ACTN2: variants seen among roughly 807,000 people sequenced by gnomAD.
ACTN2 encodes the protein alpha-actinin-2.
A neutral mutation model predicts 113.8 loss-of-function variants in ACTN2; 39 were observed. The ratio of observed to expected loss-of-function variants is 0.34; its 90% CI spans 0.27 to 0.45. The LOEUF (loss-of-function observed/expected upper bound fraction) is 0.45. ACTN2 is among the 20% of genes least tolerant of loss of function. ACTN2 has a pLI of 1.00. For missense variants in ACTN2, 992 were observed against 1,177.9 expected, an observed-to-expected ratio of 0.84 and a Z score of 2.31; for synonymous variants, 429 against 444.1, an observed-to-expected ratio of 0.97 and a Z score of 0.43.
intron 1 of ACTN2, among the ~76,000 whole-genome samples, chr1:236,689,358 T>TTATATA (rs150964294): frequency 1.7e-4 from 25 of 145,328 alleles, no homozygotes; most frequent in Admixed American, 6.9e-4. Flanking sequence ...TATGTATATT[T>TTATATA]TATATATATA....
intron 7 of ACTN2, among the ~76,000 whole-genome samples, chr1:236,733,243 C>T (rs1306048745): frequency 6.6e-6 from 1 of 152,204 alleles, no homozygotes; most frequent in African/African-American, 2.4e-5. Context: ...AGAAAATAGG[C>T]AACAGTTAGT....
intron 5 of ACTN2, 109 bp from the exon 6 acceptor site, chr1:236,727,569 C>A: frequency 8.8e-7 from 1 of 1,135,770 alleles, no homozygotes; most frequent in Non-Finnish European, 1.3e-6. Flanking sequence ...TGGGGCCCTC[C>A]GTGCATGAAG....
rs397516570 is a variant in ACTN2 at position 236,749,201 on chromosome 1, G to A, written c.1593G>A (p.Trp531Ter). 1 of 1,614,186 alleles carries A rather than the reference G, an allele frequency of 6.2e-7. No individual in the cohort carries two copies. The highest frequency in any genetic ancestry group is 8.5e-7 in the Non-Finnish European group (1 of 1,180,032). Reference sequence around the variant, plus strand: ...AGAGGGCTGCTCCTTTCAACAATTGGATGGAGGGCGCTATGGAGGATCTGC... The same window carrying A: ...AGAGGGCTGCTCCTTTCAACAATTGAATGGAGGGCGCTATGGAGGATCTGC... ...FAKRAAPFNN[W>*]MEGAMEDLQD... The change falls in exon 14 of 21, where the codon TGG (tryptophan) becomes TGA (stop). Residue 531 changes from tryptophan to a stop codon, truncating the protein, a stop_gained. Transcript: ENST00000366578. LOFTEE classifies it high-confidence loss of function.
intron 13 of ACTN2, chr1:236,748,029 A>G (rs781069785): frequency 4.5e-6 from 2 of 448,098 alleles, no homozygotes; most frequent in Admixed American, 3.5e-5. Context: ...TTACGGCATA[A>G]ATCTACTTTG....
At chr1:236,692,191 T>A (rs1342834116) in intron 1 of ACTN2, among the ~76,000 whole-genome samples, 1 of 152,174 alleles carries the variant, frequency 6.6e-6, no homozygotes, top group Non-Finnish European at 1.5e-5. Flanking sequence ...AAGGCATCAA[T>A]TTGAGAGTGA....
At position 236,687,993 on chromosome 1, in the gene ACTN2, C is replaced by T. The variant is rs114557370; in HGVS notation, c.126+1194C>T. Among the ~76,000 whole-genome samples the T allele has an allele frequency of 2.6e-3, 398 of 152,176 alleles. 2 individuals are homozygous for T. Among genetic ancestry groups the T allele is most frequent in the African/African-American group, 9.3e-3 (386 of 41,514 alleles). On this transcript the variant is annotated intron_variant, in intron 1 of 20. Transcript: ENST00000366578. ...TCCCCGAGTTTCTTAAGGCTTTTAC[C>T]ATCCCTACCTTTCTTAGAAAATGGG...
intron 12 of ACTN2, among the ~76,000 whole-genome samples, chr1:236,746,032 G>A (rs1041460591): frequency 4.6e-5 from 7 of 151,900 alleles, no homozygotes; most frequent in African/African-American, 1.7e-4. Flanking sequence ...CAGGCATGGT[G>A]GCGGGCACCT....
chr1:236,718,548 G>A (rs1366352875), intron 2 of ACTN2, among the ~76,000 whole-genome samples: 4 of 152,170 alleles, frequency 2.6e-5, no homozygotes, highest in African/African-American at 4.8e-5. Flanking sequence ...TGGCCATCCT[G>A]ACTTCCTCTA....
chr1:236,707,957 C>T (rs1056075201), intron 1 of ACTN2, among the ~76,000 whole-genome samples: 8 of 151,810 alleles, frequency 5.3e-5, no homozygotes, highest in Non-Finnish European at 8.8e-5. Context: ...GTGATCCACC[C>T]GCCTCGGCCT....
At chr1:236,687,869 C>T (rs1348903005) in intron 1 of ACTN2, among the ~76,000 whole-genome samples, 4 of 152,228 alleles carry the variant, frequency 2.6e-5, no homozygotes, top group African/African-American at 9.6e-5. Flanking sequence ...AATAACCAAG[C>T]ACTATTTTTA....
intron 8 of ACTN2, 92 bp downstream of exon 8, chr1:236,735,812 A>G: frequency 2.7e-6 from 3 of 1,117,054 alleles, no homozygotes; most frequent in Admixed American, 3.8e-5. Flanking sequence ...TGCGCTTCAC[A>G]TCTTACCTTG....
At chr1:236,713,163 A>G (rs1031786017) in intron 1 of ACTN2, among the ~76,000 whole-genome samples, 2 of 152,128 alleles carry the variant, frequency 1.3e-5, no homozygotes, top group African/African-American at 2.4e-5. Flanking sequence ...CTATACAGCC[A>G]TAAAAACAAA....
At chr1:236,745,654 G>A (rs1214019478) in intron 12 of ACTN2, among the ~76,000 whole-genome samples, 4 of 152,070 alleles carry the variant, frequency 2.6e-5, no homozygotes, top group African/African-American at 9.7e-5. Flanking sequence ...GTGAGCCCTG[G>A]GGTGCGGCTG....
rs1658721050 is a variant in ACTN2, at chr1:236,731,856, A to G, written c.697+542A>G. ...TTTATTTAGAGCTGAAAGAACTTCC[A>G]TATATTTTGCACTTCAGTATCACTC... On this transcript the variant is annotated intron_variant, in intron 7 of 20. Transcript: ENST00000366578. Among the ~76,000 whole-genome samples, 3 of 152,340 alleles carry G rather than the reference A, an allele frequency of 2.0e-5. No individual in the cohort carries two copies. The South Asian group carries it at 6.2e-4, about 32-fold the overall frequency.
At position 236,743,051 on chromosome 1, in the gene ACTN2, G is replaced by A. The variant is rs1422637812; in HGVS notation, c.1255+8G>A. On this transcript the variant is annotated splice_region_variant and intron_variant, in intron 11 of 20. Coordinates refer to ENST00000366578, the MANE Select transcript of ACTN2 (RefSeq NM_001103.4). ...ACGAGACTTGGGCTTATGGTAAGTA[G>A]ACAGGAGTCAGATTGGATTTTTGAA... 2 of 1,614,104 alleles carry A rather than the reference G, an allele frequency of 1.2e-6. No individual in the cohort carries two copies. Among genetic ancestry groups the A allele is most frequent in the Non-Finnish European group, 1.7e-6 (2 of 1,180,028 alleles).
intron 13 of ACTN2, among the ~76,000 whole-genome samples, chr1:236,748,545 A>G (rs1258333247): frequency 6.6e-6 from 1 of 152,172 alleles, no homozygotes; most frequent in African/African-American, 2.4e-5. Context: ...CTTGTCTGCC[A>G]TGGGAAACAA....
chr1:236,715,576 A>C (rs558215962), intron 1 of ACTN2, among the ~76,000 whole-genome samples: 1 of 152,166 alleles, frequency 6.6e-6, no homozygotes, highest in South Asian at 2.1e-4. Flanking sequence ...TGAGGAGCTA[A>C]TTTTTAAATT....
At chr1:236,759,681 T>G in intron 18 of ACTN2, 43 bp from the exon 19 acceptor site, 1 of 1,560,404 alleles carries the variant, frequency 6.4e-7, no homozygotes, top group Non-Finnish European at 8.8e-7. Context: ...GTTGCTCATC[T>G]TGCCCTGTGC....
chr1:236,732,755 C>A (rs1658750077), intron 7 of ACTN2, among the ~76,000 whole-genome samples: 1 of 152,118 alleles, frequency 6.6e-6, no homozygotes. Context: ...TGAATATTTT[C>A]TTACAAGGAT....
Sources: allele counts gnomAD v4.1 joint callset (sites outside exome capture counted in the v4.1 genomes callset), GRCh38; gene constraint gnomAD v4.1.1; transcripts MANE v1.5; gene names NCBI Gene and HGNC (gene_info 2026-07-23, HGNC 2026-07-21).